Variants in TENM4 observed in about 807,000 individuals in gnomAD.
The protein encoded by TENM4 is teneurin transmembrane protein 4.
A neutral mutation model predicts 243.3 loss-of-function variants in TENM4; 82 were observed. The observed-to-expected ratio is 0.34, with a 90% CI of 0.28 to 0.40. TENM4 has a LOEUF of 0.40. TENM4 is among the 10% of genes least tolerant of loss of function. The probability of loss-of-function intolerance (pLI) is 1.00; values close to 1 mark genes in which losing one functional copy is unlikely to be tolerated. For synonymous variants in TENM4, 1,412 were observed against 1,456.3 expected (o/e 0.97, Z 0.69); for missense variants, 3,138 against 3,673.3 (o/e 0.85, Z 3.77).
At chr11:79,113,298 G>T (rs1031844108) in intron 4 of TENM4, among the ~76,000 whole-genome samples, 11 of 151,900 alleles carry the variant, frequency 7.2e-5, no homozygotes, top group African/African-American at 2.4e-4. Context: ...CAAGACCCAC[G>T]GAGGGAAAGC....
At chr11:79,409,091 TGTGTGTGTGTGC>T (rs773790180) in intron 1 of TENM4, among the ~76,000 whole-genome samples, 28 of 117,034 alleles carry the variant, frequency 2.4e-4, no homozygotes, top group African/African-American at 8.5e-4. Flanking sequence ...TGTGTGTGTG[TGTGTGTGTGTGC>T]GCGCGCGCGC....
rs915433286 is a variant in TENM4, at chr11:78,658,458, C to T, written c.7910G>A (p.Gly2637Glu). 1 of 1,614,048 alleles carries T rather than the reference C, an allele frequency of 6.2e-7. No homozygotes were observed. The change falls in exon 34 of 34, where the codon GGG becomes GAG. Residue 2637 changes from glycine (G) to glutamate (E), a missense_variant. By Grantham distance (98) the Gly-to-Glu change is moderately conservative. This residue lies in a region of TENM4 where 2,467 missense variants were observed against 3,059.1 expected (regional missense o/e 0.81). Coordinates refer to ENST00000278550, the MANE Select transcript of TENM4 (RefSeq NM_001098816.3). ...GDLAILGLSG[G>E]RRTLENGVNV... ...GACCCCATTCTCCAGGGTTCGCCGC[C>T]CCCCACTGAGGCCCAGGATGGCCAG...
intron 6 of TENM4, among the ~76,000 whole-genome samples, chr11:79,033,839 C>G (rs1370469255): frequency 6.6e-6 from 1 of 152,094 alleles, no homozygotes; most frequent in Non-Finnish European, 1.5e-5. Context: ...TTGGAGGGTC[C>G]TAAAAAGATA....
chr11:78,882,216 G>A (rs575261853), intron 9 of TENM4, among the ~76,000 whole-genome samples: 2 of 152,326 alleles, frequency 1.3e-5, no homozygotes, highest in African/African-American at 2.4e-5. Flanking sequence ...TCCTGATATT[G>A]TATGAGCTGA....
At chr11:78,946,140 T>A (rs1297852328) in intron 6 of TENM4, among the ~76,000 whole-genome samples, 1 of 152,212 alleles carries the variant, frequency 6.6e-6, no homozygotes, top group Non-Finnish European at 1.5e-5. Context: ...ACTTTCATAG[T>A]TAGAGAGGAA....
intron 6 of TENM4, among the ~76,000 whole-genome samples, chr11:78,993,646 G>A (rs1455344911): frequency 6.6e-6 from 1 of 152,004 alleles, no homozygotes; most frequent in Admixed American, 6.6e-5. Context: ...TGTACAATCT[G>A]CTGTTAAACC....
Position 78,658,607 on chromosome 11 carries a change from G to A in TENM4, c.7761C>T (p.Ala2587=). 1 of 1,614,006 alleles carries A rather than the reference G, an allele frequency of 6.2e-7. No homozygotes were observed. The highest frequency in any genetic ancestry group is 8.5e-7 in the Non-Finnish European group (1 of 1,179,892). Residue 2587 remains alanine, a synonymous_variant, in exon 34 of 34, where the codon GCC becomes GCT. Coordinates refer to ENST00000278550, the MANE Select transcript of TENM4 (RefSeq NM_001098816.3). The part of the protein sequence containing the change: ...GRVTTDIISV[A]NEDGRRVAAI... ...CAGCAACCCTTCGCCCATCCTCATT[G>A]GCCACACTGATGATGTCTGTGGTCA... is the stretch of plus-strand genomic sequence containing the variant.
chr11:78,878,118 T>C (rs1859318343), intron 9 of TENM4, among the ~76,000 whole-genome samples: 1 of 152,222 alleles, frequency 6.6e-6, no homozygotes, highest in Non-Finnish European at 1.5e-5. Context: ...CTTTCCACCT[T>C]TGATCTCTGT....
intron 29 of TENM4, among the ~76,000 whole-genome samples, chr11:78,685,303 A>G (rs1046784707): frequency 6.6e-6 from 1 of 152,196 alleles, no homozygotes; most frequent in Non-Finnish European, 1.5e-5. Flanking sequence ...ATTAGCAGCT[A>G]CTTCTTATTA....
At chr11:79,011,002 G>A (rs549181859) in intron 6 of TENM4, among the ~76,000 whole-genome samples, 2 of 152,304 alleles carry the variant, frequency 1.3e-5, no homozygotes, top group Admixed American at 1.3e-4. Context: ...GGGCCACTGG[G>A]TTATATGTGA....
intron 1 of TENM4, among the ~76,000 whole-genome samples, chr11:79,432,758 A>G (rs1044081433): frequency 1.3e-5 from 2 of 152,216 alleles, no homozygotes; most frequent in African/African-American, 4.8e-5. Flanking sequence ...GGACCTCTAA[A>G]GGGAAACACT....
At chr11:78,878,812 C>T (rs1250554107) in intron 9 of TENM4, among the ~76,000 whole-genome samples, 2 of 152,070 alleles carry the variant, frequency 1.3e-5, no homozygotes, top group Non-Finnish European at 1.5e-5. Context: ...CTAAAATAAT[C>T]CAGATATGAA....
chr11:79,079,943 A>G (rs1256832838), intron 4 of TENM4, among the ~76,000 whole-genome samples: 3 of 151,800 alleles, frequency 2.0e-5, no homozygotes. Flanking sequence ...TCCCATCCCT[A>G]CTGAGTGGTC....
chr11:79,154,894 C>A (rs1319650773), intron 3 of TENM4, among the ~76,000 whole-genome samples: 5 of 152,140 alleles, frequency 3.3e-5, no homozygotes, highest in African/African-American at 1.2e-4. Flanking sequence ...TGCAGTAGAC[C>A]CTTACCTATT....
intron 6 of TENM4, among the ~76,000 whole-genome samples, chr11:78,961,943 C>T (rs1250298576): frequency 1.3e-5 from 2 of 151,816 alleles, no homozygotes; most frequent in South Asian, 4.1e-4. Context: ...AAGCAGCCCT[C>T]CAACTCTTGC....
chr11:79,128,868 T>A (rs1306986026), intron 4 of TENM4, among the ~76,000 whole-genome samples: 2 of 152,112 alleles, frequency 1.3e-5, no homozygotes, highest in South Asian at 2.1e-4. Context: ...GGAAAATTGG[T>A]GACAAAAAAA....
intron 1 of TENM4, among the ~76,000 whole-genome samples, chr11:79,328,053 C>G (rs11601889): frequency 0.069 from 10,552 of 152,258 alleles, 432 homozygotes; most frequent in South Asian, 0.083. Context: ...AAAGGCATCT[C>G]TTTCTTTTGT....
At chr11:79,428,456 T>A (rs554252360) in intron 1 of TENM4, among the ~76,000 whole-genome samples, 186 of 152,214 alleles carry the variant, frequency 1.2e-3, no homozygotes, top group Non-Finnish European at 2.4e-3. Context: ...AAGCATTTTA[T>A]AGGATGTGGA....
intron 25 of TENM4, among the ~76,000 whole-genome samples, chr11:78,715,489 CAT>C (rs2135816436): frequency 6.6e-6 from 1 of 152,288 alleles, no homozygotes; most frequent in South Asian, 2.1e-4. Flanking sequence ...AAGTGTCACT[CAT>C]GTGGAGTTTC....
Sources: gnomAD v4.1 joint callset for allele counts (sites outside exome capture counted in the v4.1 genomes callset) on GRCh38, gnomAD v4.1.1 for gene constraint, gnomAD v4.1.1 regional missense constraint, MANE v1.5 for transcripts, NCBI Gene and HGNC (gene_info 2026-07-23, HGNC 2026-07-21) for gene names.